Variants in MFHAS1 observed in about 807,000 individuals in gnomAD.
MFHAS1 encodes the protein multifunctional ROCO family signaling regulator 1.
In MFHAS1, 50 loss-of-function variants were observed where a neutral mutation model predicts 70.4. The ratio of observed to expected loss-of-function variants is 0.71; its 90% CI spans 0.57 to 0.90. MFHAS1 has a LOEUF of 0.90. MFHAS1 is among the 40% of genes least tolerant of loss of function. The pLI is 0.00. For missense variants in MFHAS1, 1,795 were observed against 1,347.6 expected, an observed-to-expected ratio of 1.33 and a Z score of -5.20; for synonymous variants, 952 against 620.0, an observed-to-expected ratio of 1.54 and a Z score of -7.96.
At chr8:8,832,182 CAGAA>C (rs112993899) in intron 1 of MFHAS1, among the ~76,000 whole-genome samples, 14,032 of 148,498 alleles carry the variant, frequency 0.094, 1,004 homozygotes, top group African/African-American at 0.2. Context: ...TTGAGAGGGA[CAGAA>C]AGAAAGAAAA....
chr8:8,786,865 C>T (rs902639244), intron 2 of MFHAS1, among the ~76,000 whole-genome samples: 1 of 151,934 alleles, frequency 6.6e-6, no homozygotes, highest in African/African-American at 2.4e-5. Context: ...TTCTCCAGTC[C>T]ATACAAGATT....
At chr8:8,833,582 T>C (rs573852123) in intron 1 of MFHAS1, among the ~76,000 whole-genome samples, 152 of 152,170 alleles carry the variant, frequency 1.0e-3, no homozygotes, top group Non-Finnish European at 1.9e-3. Flanking sequence ...TGAGCCACGA[T>C]TGCACGACCA....
chr8:8,803,662 C>T (rs545264667), intron 1 of MFHAS1, among the ~76,000 whole-genome samples: 7 of 151,762 alleles, frequency 4.6e-5, no homozygotes, highest in Non-Finnish European at 1.0e-4. Flanking sequence ...TTATAGGTAA[C>T]CTAGAGATGA....
chr8:8,827,409 C>T (rs11997419), intron 1 of MFHAS1, among the ~76,000 whole-genome samples: 101 of 152,326 alleles, frequency 6.6e-4, no homozygotes, highest in African/African-American at 2.3e-3. Context: ...GTTTTCTCAT[C>T]CTTTCACCAG....
intron 1 of MFHAS1, among the ~76,000 whole-genome samples, chr8:8,829,052 C>A (rs557521409): frequency 1.3e-5 from 2 of 152,186 alleles, no homozygotes; most frequent in Admixed American, 6.5e-5. Context: ...TCCTTGGACA[C>A]TGCAGAATGG....
At chr8:8,786,230 G>T (rs998168861) in intron 2 of MFHAS1, among the ~76,000 whole-genome samples, 175 bp from the exon 3 acceptor site, 15 of 152,162 alleles carry the variant, frequency 9.9e-5, no homozygotes, top group Non-Finnish European at 2.9e-5. Context: ...CCCCACAAAG[G>T]AAAGAGTCAT....
chr8:8,863,212 T>C (rs1392041070), intron 1 of MFHAS1, among the ~76,000 whole-genome samples: 1 of 152,240 alleles, frequency 6.6e-6, no homozygotes, highest in Non-Finnish European at 1.5e-5. Context: ...AATACTACAC[T>C]GTCTTAATTA....
At chr8:8,787,149 C>G (rs186727202) in intron 2 of MFHAS1, among the ~76,000 whole-genome samples, 47 of 151,372 alleles carry the variant, frequency 3.1e-4, no homozygotes, top group East Asian at 1.4e-3. Flanking sequence ...GGCGCAATCT[C>G]GGCTCACTGC....
At chr8:8,886,382 G>C (rs1029115829) in intron 1 of MFHAS1, among the ~76,000 whole-genome samples, 2 of 151,610 alleles carry the variant, frequency 1.3e-5, no homozygotes, top group Non-Finnish European at 2.9e-5. Context: ...TACTCAGGCT[G>C]GTCTCGAACT....
At chr8:8,838,729 G>C (rs112941928) in intron 1 of MFHAS1, among the ~76,000 whole-genome samples, 3,454 of 151,114 alleles carry the variant, frequency 0.023, 139 homozygotes, top group African/African-American at 0.079. Flanking sequence ...AGGAGAATCG[G>C]TTGAACTGGG....
chr8:8,889,962 C>G, intron 1 of MFHAS1, 99 bp downstream of exon 1: 1 of 1,014,110 alleles, frequency 9.9e-7, no homozygotes, highest in Non-Finnish European at 1.4e-6. Context: ...CTGGAGAACC[C>G]GTGAAGTTAA....
At position 8,892,798 on chromosome 8, in the gene MFHAS1, G is replaced by T; in HGVS notation, c.261C>A (p.Gly87=). Residue 87 remains glycine (G), a synonymous_variant, in exon 1 of 3, where the codon GGC becomes GGA. Coordinates refer to ENST00000276282, the MANE Select transcript of MFHAS1 (RefSeq NM_004225.3). The surrounding 1 kb of genome is among the most constrained non-coding windows in gnomAD (Gnocchi z 4.7). The stretch of plus-strand genomic sequence containing the variant: ...TGCGCAGGACCAGGACGCGCAGGCT[G>T]CCCAGCGCCGACCCCAGCCCCTCGG... ...EVPEGLGSAL[G]SLRVLVLRRN... 6.3e-7 allele frequency: 1 copy of T among 1,586,380 alleles called. No homozygotes were observed. The highest frequency in any genetic ancestry group is 8.6e-7 in the Non-Finnish European group (1 of 1,166,928).
chr8:8,826,446 A>G (rs568993108), intron 1 of MFHAS1, among the ~76,000 whole-genome samples: 1 of 152,278 alleles, frequency 6.6e-6, no homozygotes, highest in African/African-American at 2.4e-5. Flanking sequence ...TGTAAGCAGA[A>G]GTTGGGCCAG....
At chr8:8,819,257 A>C (rs752472398) in intron 1 of MFHAS1, among the ~76,000 whole-genome samples, 2 of 152,230 alleles carry the variant, frequency 1.3e-5, no homozygotes, top group Non-Finnish European at 2.9e-5. Flanking sequence ...ATGCAAATAT[A>C]TATATTATAA....
At chr8:8,789,292 C>G (rs950131948) in intron 2 of MFHAS1, among the ~76,000 whole-genome samples, 2 of 152,208 alleles carry the variant, frequency 1.3e-5, no homozygotes, top group African/African-American at 2.4e-5. Flanking sequence ...CTTACGGACT[C>G]CTAGCTTGGA....
intron 1 of MFHAS1, among the ~76,000 whole-genome samples, chr8:8,801,680 T>C (rs1324784915): frequency 6.6e-6 from 1 of 152,196 alleles, no homozygotes; most frequent in African/African-American, 2.4e-5. Context: ...ATCTTCAAAA[T>C]AAAGTGCATT....
At chr8:8,888,045 G>A (rs1377645072) in intron 1 of MFHAS1, among the ~76,000 whole-genome samples, 1 of 152,096 alleles carries the variant, frequency 6.6e-6, no homozygotes, top group African/African-American at 2.4e-5. Flanking sequence ...GTAACTCCCA[G>A]TCACTTTATT....
intron 1 of MFHAS1, among the ~76,000 whole-genome samples, chr8:8,887,540 TATAC>T (rs1307285343): frequency 2.6e-4 from 39 of 150,732 alleles, no homozygotes; most frequent in African/African-American, 9.4e-4. Context: ...TTGGTGTATA[TATAC>T]ATATATATTT....
At chr8:8,791,396 T>C (rs1805714891) in intron 2 of MFHAS1, among the ~76,000 whole-genome samples, 1 of 152,212 alleles carries the variant, frequency 6.6e-6, no homozygotes, top group Non-Finnish European at 1.5e-5. Context: ...TTTCATATGA[T>C]GACCTGTTGA....
Sources: gnomAD v4.1 joint callset for allele counts (sites outside exome capture counted in the v4.1 genomes callset) on GRCh38, gnomAD v4.1.1 for gene constraint, Gnocchi (gnomAD v3.1) non-coding constraint, MANE v1.5 for transcripts, NCBI Gene and HGNC (gene_info 2026-07-23, HGNC 2026-07-21) for gene names.